FHIT: variants seen among roughly 807,000 people sequenced by gnomAD.
FHIT encodes bis(5'-adenosyl)-triphosphatase.
In FHIT, 19 loss-of-function variants were observed where a neutral mutation model predicts 17.9. That is an observed-to-expected ratio of 1.06 (90% CI 0.74 to 1.56). The LOEUF (loss-of-function observed/expected upper bound fraction) is 1.56. FHIT is among the 40% of genes most tolerant of loss of function. The pLI is 0.00. For missense variants in FHIT, 248 were observed against 189.2 expected (o/e 1.31, Z -1.82); for synonymous variants, 81 against 69.7 (o/e 1.16, Z -0.81).
chr3:60,539,956 TAAATA>T (rs1040770822), intron 4 of FHIT, among the ~76,000 whole-genome samples: 4 of 149,172 alleles, frequency 2.7e-5, no homozygotes, highest in South Asian at 2.1e-4. Flanking sequence ...TATATATATA[TAAATA>T]AAATAAAATA....
chr3:60,902,216 C>T (rs1239552164), intron 3 of FHIT, among the ~76,000 whole-genome samples: 1 of 152,138 alleles, frequency 6.6e-6, no homozygotes, highest in African/African-American at 2.4e-5. Context: ...TTTGTTTTCC[C>T]TATAATTTTG....
intron 5 of FHIT, among the ~76,000 whole-genome samples, chr3:60,316,738 A>G (rs150632109): frequency 2.0e-5 from 3 of 152,360 alleles, no homozygotes; most frequent in African/African-American, 7.2e-5. Flanking sequence ...CATATTTTAC[A>G]TATGGCAAAC....
chr3:60,997,511 G>C (rs2030757920), intron 3 of FHIT, among the ~76,000 whole-genome samples: 1 of 152,060 alleles, frequency 6.6e-6, no homozygotes. Context: ...TGTTGAGGGG[G>C]GTGTGGATGG....
intron 2 of FHIT, among the ~76,000 whole-genome samples, chr3:61,161,754 C>A (rs2037701734): frequency 1.3e-5 from 2 of 152,272 alleles, no homozygotes; most frequent in African/African-American, 4.8e-5. Context: ...AATAAAAAGA[C>A]TCTCTAGCTA....
At chr3:60,659,845 T>TTTG (rs1441541633) in intron 4 of FHIT, among the ~76,000 whole-genome samples, 2 of 152,122 alleles carry the variant, frequency 1.3e-5, no homozygotes, top group Non-Finnish European at 2.9e-5. Flanking sequence ...GTGCTGTGAT[T>TTTG]TTGTTGTTGT....
intron 2 of FHIT, among the ~76,000 whole-genome samples, chr3:61,108,129 T>C (rs1172247312): frequency 6.6e-6 from 1 of 152,198 alleles, no homozygotes; most frequent in East Asian, 1.9e-4. Flanking sequence ...ATATTAAGCA[T>C]TTTTTTCATA....
At position 59,960,243 on chromosome 3, in the gene FHIT, T is replaced by C. The variant is rs535596273; in HGVS notation, c.280-37829A>G. ...AGCAACCTGTAACAGGTCACTTAGT[T>C]CAGATCAGAGACACTTGGTAGCTTT... On this transcript the variant is annotated intron_variant, in intron 7 of 9. Coordinates refer to ENST00000492590, the MANE Select transcript of FHIT (RefSeq NM_002012.4). Among the ~76,000 whole-genome samples the C allele has an allele frequency of 5.3e-5, 8 of 152,308 alleles. No homozygotes were observed. The South Asian group carries it at 1.4e-3, about 28-fold the overall frequency.
At chr3:61,050,000 T>A (rs1392140249) in intron 2 of FHIT, among the ~76,000 whole-genome samples, 3 of 152,080 alleles carry the variant, frequency 2.0e-5, no homozygotes. Context: ...TAGATCACAC[T>A]CCCAATCATA....
At chr3:59,751,740 A>G (rs1345185939) in intron 9 of FHIT, 1 of 233,302 alleles carries the variant, frequency 4.3e-6, no homozygotes, top group Non-Finnish European at 8.5e-6. Context: ...CCAAATAGCA[A>G]CTGAAGAGAA....
At chr3:60,904,306 GA>G (rs1331271838) in intron 3 of FHIT, among the ~76,000 whole-genome samples, 1 of 151,932 alleles carries the variant, frequency 6.6e-6, no homozygotes, top group African/African-American at 2.4e-5. Flanking sequence ...ACCTCTACTG[GA>G]ATTAATCCTT....
chr3:60,051,506 A>G (rs1158457354), intron 5 of FHIT, among the ~76,000 whole-genome samples: 2 of 152,072 alleles, frequency 1.3e-5, no homozygotes, highest in Non-Finnish European at 2.9e-5. Context: ...ACAGGGACAG[A>G]GTGGAAGTAC....
intron 5 of FHIT, among the ~76,000 whole-genome samples, chr3:60,515,183 T>A (rs9844074): frequency 0.15 from 23,527 of 152,068 alleles, 2,160 homozygotes; most frequent in Middle Eastern, 0.24. Context: ...TAATATTCCA[T>A]CCTAGTGTGA....
At chr3:60,168,791 T>C (rs1207800614) in intron 5 of FHIT, among the ~76,000 whole-genome samples, 1 of 152,230 alleles carries the variant, frequency 6.6e-6, no homozygotes, top group Non-Finnish European at 1.5e-5. Flanking sequence ...TTGAAGATTA[T>C]TTTTGTAACG....
At chr3:60,814,119 T>C (rs2106730164) in intron 4 of FHIT, among the ~76,000 whole-genome samples, 1 of 152,332 alleles carries the variant, frequency 6.6e-6, no homozygotes, top group Non-Finnish European at 1.5e-5. Context: ...ATTTTGTCAA[T>C]CATTTGAAAG....
chr3:60,148,248 C>T (rs1041822743), intron 5 of FHIT, among the ~76,000 whole-genome samples: 4 of 152,146 alleles, frequency 2.6e-5, no homozygotes. Flanking sequence ...ACCCTAGAGT[C>T]CCATACTATA....
intron 4 of FHIT, among the ~76,000 whole-genome samples, chr3:60,664,091 CT>C: frequency 6.6e-6 from 1 of 152,152 alleles, no homozygotes; most frequent in Non-Finnish European, 1.5e-5. Flanking sequence ...CAGGGATGCT[CT>C]TTAGCAAGTC....
rs181198670 is a variant in FHIT, at chr3:61,116,528, G to A, written c.-163-74429C>T. Among the ~76,000 whole-genome samples, 262 of 152,012 alleles carry A rather than the reference G, an allele frequency of 1.7e-3. 1 individual carries two copies. The highest frequency in any genetic ancestry group is 5.7e-3 in the African/African-American group (236 of 41,468). ...TCATGACCTCTAAAAATCACTCTTC[G>A]TTCCTACAAATTCTAAAATAAGTGG... On this transcript the variant is annotated intron_variant, in intron 2 of 9. Transcript: ENST00000492590.
chr3:59,936,035 A>T (rs1706221294), intron 7 of FHIT, among the ~76,000 whole-genome samples: 1 of 152,186 alleles, frequency 6.6e-6, no homozygotes, highest in Admixed American at 6.6e-5. Flanking sequence ...AATCCCTTTT[A>T]AAAAACTCCT....
intron 7 of FHIT, among the ~76,000 whole-genome samples, chr3:59,993,497 C>T (rs147808903): frequency 1.4e-3 from 212 of 152,038 alleles, no homozygotes; most frequent in African/African-American, 4.8e-3. Context: ...TTTACGAAAC[C>T]TCAAACCCCA....
Sources: allele counts gnomAD v4.1 joint callset (sites outside exome capture counted in the v4.1 genomes callset), GRCh38; gene constraint gnomAD v4.1.1; transcripts MANE v1.5; gene names NCBI Gene and HGNC (gene_info 2026-07-23, HGNC 2026-07-21).